The following C10orf67 variants were observed in gnomAD, a reference collection of about 807,000 sequenced individuals.
C10orf67 encodes chromosome 10 open reading frame 67, also known as uncharacterized protein C10orf67, mitochondrial.
In C10orf67, 60 loss-of-function variants were observed where a neutral mutation model predicts 35.6. That is an observed-to-expected ratio of 1.68 (90% CI 1.37 to 2.09). The LOEUF is 2.09. Ranked by LOEUF, C10orf67 falls within the 30% of genes most tolerant of loss-of-function variation. The pLI is 0.00. For missense variants in C10orf67, 474 were observed against 330.2 expected, an observed-to-expected ratio of 1.44 and a Z score of -3.38; for synonymous variants, 167 against 115.8, an observed-to-expected ratio of 1.44 and a Z score of -2.84.
intron 4 of C10orf67, among the ~76,000 whole-genome samples, chr10:23,312,502 T>C (rs1160177662): frequency 1.3e-5 from 2 of 152,328 alleles, no homozygotes; most frequent in African/African-American, 4.8e-5. Context: ...CAAAAAGCCC[T>C]GGTTTCTTTT....
chr10:23,343,435 C>T (rs903472042), intron 1 of C10orf67, among the ~76,000 whole-genome samples: 1 of 152,206 alleles, frequency 6.6e-6, no homozygotes, highest in Non-Finnish European at 1.5e-5. Context: ...GCTTCCCAGC[C>T]TCCAGAACTG....
intron 1 of C10orf67, among the ~76,000 whole-genome samples, chr10:23,341,001 C>T (rs944443385): frequency 6.6e-6 from 1 of 152,204 alleles, no homozygotes; most frequent in African/African-American, 2.4e-5. Context: ...ATGAAGACAA[C>T]ATTAGGTGTG....
chr10:23,323,950 T>TACACACAC (rs1564513698), intron 2 of C10orf67, among the ~76,000 whole-genome samples: 1 of 60,474 alleles, frequency 1.7e-5, no homozygotes, highest in African/African-American at 6.0e-5. Flanking sequence ...TATATATATA[T>TACACACAC]ATACACACAC....
chr10:23,237,303 G>C (rs755819938), intron 13 of C10orf67, among the ~76,000 whole-genome samples: 27 of 152,092 alleles, frequency 1.8e-4, no homozygotes, highest in Non-Finnish European at 3.4e-4. Context: ...CATTTAGGTT[G>C]ATTCCATGTC....
At chr10:23,266,558 T>C (rs1771828902) in intron 9 of C10orf67, 132 bp from the exon 10 acceptor site, 1 of 395,782 alleles carries the variant, frequency 2.5e-6, no homozygotes, top group African/African-American at 2.1e-5. Flanking sequence ...AGCGCATGGA[T>C]TTGTTCTTGC....
chr10:23,216,617 A>G (rs185515556), intron 15 of C10orf67, among the ~76,000 whole-genome samples: 7 of 152,308 alleles, frequency 4.6e-5, no homozygotes, highest in South Asian at 2.1e-4. Context: ...TATTCATATT[A>G]TACAATGGAA....
At chr10:23,297,773 C>T (rs891299176) in intron 5 of C10orf67, among the ~76,000 whole-genome samples, 3 of 152,210 alleles carry the variant, frequency 2.0e-5, no homozygotes, top group Non-Finnish European at 2.9e-5. Flanking sequence ...AGTGCGCAGT[C>T]GCAGCACTGG....
chr10:23,318,166 A>T (rs1844807552), intron 4 of C10orf67: 1 of 146,372 alleles, frequency 6.8e-6, no homozygotes, highest in Non-Finnish European at 1.5e-5. Context: ...AAAAAAACAA[A>T]TTCAATGAGT....
intron 15 of C10orf67, among the ~76,000 whole-genome samples, chr10:23,219,286 C>T (rs1430798068): frequency 6.6e-6 from 1 of 152,174 alleles, no homozygotes; most frequent in East Asian, 1.9e-4. Context: ...TGAGCTTTCT[C>T]TTCCTGACAA....
intron 8 of C10orf67, among the ~76,000 whole-genome samples, chr10:23,274,575 C>T (rs532995640): frequency 1.3e-5 from 2 of 152,120 alleles, no homozygotes; most frequent in Non-Finnish European, 2.9e-5. Context: ...CTATTCTGCC[C>T]GACCCCGCAG....
intron 15 of C10orf67, among the ~76,000 whole-genome samples, chr10:23,220,047 C>T (rs1841537361): frequency 6.6e-6 from 1 of 151,954 alleles, no homozygotes. Flanking sequence ...TGGTGTGTGC[C>T]TGTAGTTCCA....
chr10:23,251,280 T>G (rs1446213545), intron 10 of C10orf67, among the ~76,000 whole-genome samples: 3 of 152,170 alleles, frequency 2.0e-5, no homozygotes, highest in African/African-American at 7.2e-5. Flanking sequence ...TGCCCCTTTT[T>G]GTAAATTGTA....
At chr10:23,257,393 ATCT>A (rs1250021738) in intron 10 of C10orf67, among the ~76,000 whole-genome samples, 1 of 152,178 alleles carries the variant, frequency 6.6e-6, no homozygotes, top group Non-Finnish European at 1.5e-5. Context: ...ATAGAGGCAG[ATCT>A]TCTCTATGGC....
At position 23,253,187 on chromosome 10, in the gene C10orf67, T is replaced by C. The variant is rs187247804; in HGVS notation, c.1201-2496A>G. Among the ~76,000 whole-genome samples, 4 of 152,298 alleles carry C rather than the reference T, an allele frequency of 2.6e-5. No individual in the cohort carries two copies. In the East Asian group the frequency reaches 7.7e-4, roughly 29 times the overall value. On this transcript the variant is annotated intron_variant, in intron 10 of 15. Transcript: ENST00000636213. ...TATCAGTGATGTGAAAAGAGACTAA[T>C]ATAGCAACTGAGACAGGGCCTGGAA... is the stretch of plus-strand genomic sequence containing the variant.
intron 5 of C10orf67, among the ~76,000 whole-genome samples, chr10:23,300,192 T>G (rs1239793187): frequency 6.6e-6 from 1 of 152,136 alleles, no homozygotes. Context: ...GGCCTTCCAG[T>G]GATTCCCTTG....
At chr10:23,216,408 T>C (rs770485706) in intron 15 of C10orf67, among the ~76,000 whole-genome samples, 1 of 152,174 alleles carries the variant, frequency 6.6e-6, no homozygotes, top group Non-Finnish European at 1.5e-5. Flanking sequence ...CCTACTGATA[T>C]GTGTGTAAAG....
chr10:23,300,869 A>G (rs892450093), intron 5 of C10orf67, among the ~76,000 whole-genome samples: 2 of 152,172 alleles, frequency 1.3e-5, no homozygotes, highest in African/African-American at 4.8e-5. Flanking sequence ...GATACCAGAG[A>G]TCACCAAACT....
chr10:23,236,509 G>A (rs1490237862), intron 13 of C10orf67, among the ~76,000 whole-genome samples: 1 of 152,042 alleles, frequency 6.6e-6, no homozygotes, highest in East Asian at 1.9e-4. Context: ...GGAGCAAATG[G>A]AACTCTCAAA....
At chr10:23,280,220 A>C (rs1843330205) in intron 8 of C10orf67, among the ~76,000 whole-genome samples, 1 of 152,176 alleles carries the variant, frequency 6.6e-6, no homozygotes, top group Non-Finnish European at 1.5e-5. Context: ...CACTCTTAAC[A>C]AGTCAGAAAA....
Sources: gnomAD v4.1 joint callset for allele counts (sites outside exome capture counted in the v4.1 genomes callset) on GRCh38, gnomAD v4.1.1 for gene constraint, MANE v1.5 for transcripts, NCBI Gene and HGNC (gene_info 2026-07-23, HGNC 2026-07-21) for gene names.